CCT6B: variants seen among roughly 807,000 people sequenced by gnomAD.
The protein encoded by CCT6B is chaperonin containing TCP1 subunit 6B.
CCT6B carries 49 observed loss-of-function variants against 61.5 expected under a neutral mutation model. The ratio of observed to expected loss-of-function variants is 0.80; its 90% CI spans 0.63 to 1.01. The LOEUF is 1.01. Among genes scored for constraint, CCT6B ranks in the 50% least tolerant of loss-of-function variants. The pLI is 0.00. For missense variants in CCT6B, 666 were observed against 634.7 expected (o/e 1.05, Z -0.53); for synonymous variants, 228 against 214.5 (o/e 1.06, Z -0.55).
At chr17:34,960,599 A>G (rs2090401858) in intron 1 of CCT6B, among the ~76,000 whole-genome samples, 1 of 152,240 alleles carries the variant, frequency 6.6e-6, no homozygotes, top group Non-Finnish European at 1.5e-5. Context: ...CCTTAAGAAC[A>G]GAAACCGTTA....
intron 5 of CCT6B, among the ~76,000 whole-genome samples, chr17:34,948,546 C>T (rs1016384519): frequency 4.0e-5 from 6 of 151,784 alleles, no homozygotes; most frequent in African/African-American, 1.5e-4. Context: ...GAAACTCCAT[C>T]TCTACTAAAA....
Position 34,959,731 on chromosome 17 carries a change from G to A in CCT6B, c.138-81C>T, listed in dbSNP as rs569374432. ...TGCCACTCCATTATCCTTAATAGAG[G>A]GAACTGGGCTCGGAAAACTTCCACT... On this transcript the variant is annotated intron_variant, in intron 1 of 13. Coordinates refer to ENST00000314144, the MANE Select transcript of CCT6B (RefSeq NM_006584.4). 141 of 962,434 alleles carry A rather than the reference G, an allele frequency of 1.5e-4. 3 individuals carry two copies. In the South Asian group the frequency reaches 1.8e-3, roughly 12 times the overall value. The allele number at this position is 962,434 out of a possible 1,614,324, so 59.6% of individuals were successfully genotyped here.
chr17:34,955,699 A>T (rs1362666607), intron 3 of CCT6B, among the ~76,000 whole-genome samples: 1 of 152,204 alleles, frequency 6.6e-6, no homozygotes, highest in East Asian at 1.9e-4. Flanking sequence ...TCTTTACATC[A>T]ATCCTTAATA....
intron 7 of CCT6B, 37 bp downstream of exon 7, chr17:34,942,447 A>C: frequency 6.5e-7 from 1 of 1,539,468 alleles, no homozygotes; most frequent in Non-Finnish European, 8.8e-7. Context: ...GCTTAAGAAC[A>C]TTTACAAATA....
intron 8 of CCT6B, 33 bp downstream of exon 8, chr17:34,940,506 A>G: frequency 8.6e-7 from 1 of 1,164,704 alleles, no homozygotes; most frequent in Non-Finnish European, 1.3e-6. Context: ...ACTCTGTTAA[A>G]AACTTAGGAT....
rs1451222173 is a variant in CCT6B, at chr17:34,931,731, T to A, written c.1347+636A>T. Among the ~76,000 whole-genome samples, 6 of 152,334 alleles carry A rather than the reference T, an allele frequency of 3.9e-5. No homozygotes were observed. The East Asian group carries it at 1.2e-3, about 29-fold the overall frequency. The stretch of plus-strand genomic sequence containing the variant: ...AATTATGAAAAATTTTAATAAAAAT[T>A]AGCAAAGAGATTTTGCTAACATTGT... On this transcript the variant is annotated intron_variant, in intron 11 of 13. Coordinates refer to ENST00000314144, the MANE Select transcript of CCT6B (RefSeq NM_006584.4).
At chr17:34,952,670 CA>C (rs1328352827) in intron 4 of CCT6B, among the ~76,000 whole-genome samples, 4 of 152,024 alleles carry the variant, frequency 2.6e-5, no homozygotes, top group Non-Finnish European at 5.9e-5. Context: ...CAGGGATATA[CA>C]ATTTAAGAAG....
At chr17:34,928,841 A>G in intron 13 of CCT6B, 121 bp downstream of exon 13, 1 of 559,690 alleles carries the variant, frequency 1.8e-6, no homozygotes, top group South Asian at 3.1e-5. Flanking sequence ...TGAATACCAC[A>G]CCTTTCATAC....
At chr17:34,956,346 C>A (rs1250312539) in intron 3 of CCT6B, among the ~76,000 whole-genome samples, 1 of 152,204 alleles carries the variant, frequency 6.6e-6, no homozygotes, top group Non-Finnish European at 1.5e-5. Context: ...GTCTGGTTCA[C>A]TCCTCCTCAT....
rs770669870 is a variant in CCT6B, at chr17:34,929,013, TCTG to T, written c.1469_1471del (p.Ala490del). The T allele has an allele frequency of 1.4e-5, 22 of 1,609,160 alleles. No homozygotes were observed. The African/African-American group carries it at 2.0e-4, about 15-fold the overall frequency. On this transcript the variant is annotated inframe_deletion, in exon 13 of 14. Coordinates refer to ENST00000314144, the MANE Select transcript of CCT6B (RefSeq NM_006584.4). Reference sequence around the variant, plus strand: ...ACAATAATTATCCCAAACTCCTGCATCTGCTGCTACCATTGGCTCACCTGAAAA... The same window carrying T: ...ACAATAATTATCCCAAACTCCTGCATCTGCTACCATTGGCTCACCTGAAAA...
chr17:34,953,069 G>C (rs780133686), intron 4 of CCT6B, among the ~76,000 whole-genome samples: 3 of 151,868 alleles, frequency 2.0e-5, no homozygotes, highest in Non-Finnish European at 2.9e-5. Flanking sequence ...AAGGAGAATC[G>C]ATCAGAAACA....
intron 11 of CCT6B, 33 bp downstream of exon 11, chr17:34,932,334 G>A (rs767841200): frequency 1.3e-6 from 2 of 1,578,008 alleles, no homozygotes; most frequent in Non-Finnish European, 1.7e-6. Flanking sequence ...TTATGTCTAA[G>A]CAGTTGTTAT....
At chr17:34,955,812 T>C (rs574624007) in intron 3 of CCT6B, among the ~76,000 whole-genome samples, 65 of 152,318 alleles carry the variant, frequency 4.3e-4, no homozygotes, top group Non-Finnish European at 7.5e-4. Context: ...ATTATTATTA[T>C]TATTTTTCCT....
At position 34,961,280 on chromosome 17, in the gene CCT6B, C is replaced by G. The variant is rs777522856; in HGVS notation, c.114G>C (p.Leu38Phe). Reference protein sequence around the residue: ...RGLQDVLRTNLGPKGTMKMLV... With the variant: ...RGLQDVLRTNFGPKGTMKMLV... ...ACATTTTCATGGTGCCTTTAGGACC[C>G]AAGTTGGTCCGCAGCACATCCTGCA... The change falls in exon 1 of 14, where the codon TTG (leucine) becomes TTC (phenylalanine). Residue 38 changes from leucine (L) to phenylalanine (F), a missense_variant. Coordinates refer to ENST00000314144, the MANE Select transcript of CCT6B (RefSeq NM_006584.4). 1 of 1,611,688 alleles carries G rather than the reference C, an allele frequency of 6.2e-7. No homozygotes were observed. Among genetic ancestry groups the G allele is most frequent in the Admixed American group, 1.7e-5 (1 of 59,544 alleles).
intron 5 of CCT6B, among the ~76,000 whole-genome samples, chr17:34,947,839 G>A (rs1280679564): frequency 6.6e-6 from 1 of 151,922 alleles, no homozygotes; most frequent in Non-Finnish European, 1.5e-5. Flanking sequence ...AAAATTAGAT[G>A]GGTGTGGTGG....
In CCT6B at chr17:34,940,625, T is replaced by G; in HGVS notation, c.886-4A>C. On this transcript the variant is annotated splice_polypyrimidine_tract_variant and splice_region_variant and intron_variant, in intron 7 of 13. Transcript: ENST00000314144. ...CTAAGGAAAATGGATCAATTCCCTA[T>G]AATCAAATTAACATAAAAATTATAA... 7.1e-7 allele frequency: 1 copy of G among 1,413,822 alleles called. No individual in the cohort carries two copies. Among genetic ancestry groups the G allele is most frequent in the East Asian group, 2.4e-5 (1 of 42,252 alleles). The allele number at this position is 1,413,822 out of a possible 1,614,324, so 87.6% of individuals were successfully genotyped here.
chr17:34,937,129 G>A (rs974494247), intron 10 of CCT6B, among the ~76,000 whole-genome samples: 2 of 152,184 alleles, frequency 1.3e-5, no homozygotes, highest in South Asian at 2.1e-4. Context: ...CTGCACTCCA[G>A]CCTGAGTGAC....
At chr17:34,954,169 TG>T (rs1308952071) in intron 4 of CCT6B, among the ~76,000 whole-genome samples, 2 of 152,162 alleles carry the variant, frequency 1.3e-5, no homozygotes, top group Non-Finnish European at 2.9e-5. Flanking sequence ...CCACAGGAGA[TG>T]ATCTGCAGGC....
chr17:34,945,988 T>G (rs1426141049), intron 5 of CCT6B, among the ~76,000 whole-genome samples: 2 of 152,152 alleles, frequency 1.3e-5, no homozygotes, highest in Admixed American at 1.3e-4. Flanking sequence ...GAAAACAGAA[T>G]GAAAAGCACA....
Sources: gnomAD v4.1 joint callset for allele counts (sites outside exome capture counted in the v4.1 genomes callset) on GRCh38, gnomAD v4.1.1 for gene constraint, MANE v1.5 for transcripts, NCBI Gene and HGNC (gene_info 2026-07-23, HGNC 2026-07-21) for gene names.